CACNA1H: variants seen among roughly 807,000 people sequenced by gnomAD.
The protein encoded by CACNA1H is calcium voltage-gated channel subunit alpha1 H, also known as voltage-dependent T-type calcium channel subunit alpha-1H.
In CACNA1H, 149 loss-of-function variants were observed where a neutral mutation model predicts 192.5. The ratio of observed to expected loss-of-function variants is 0.77; its 90% CI spans 0.68 to 0.89. The LOEUF (loss-of-function observed/expected upper bound fraction) is 0.89, where lower values mean the gene tolerates loss of function less well. CACNA1H is among the 40% of genes least tolerant of loss of function. CACNA1H has a pLI of 0.00. For missense variants in CACNA1H, 4,257 were observed against 3,423.5 expected (o/e 1.24, Z -6.08); for synonymous variants, 2,202 against 1,475.2 (o/e 1.49, Z -11.29).
At position 1,203,079 on chromosome 16, in the gene CACNA1H, C is replaced by A. The variant is rs559968190; in HGVS notation, c.2002+627C>A. ...TAGAGACGCAGGCGGGGGTGTGTCC[C>A]CCGTGGTGGGGAGAGGTGCGAGCGA... On this transcript the variant is annotated intron_variant, in intron 9 of 34. Transcript: ENST00000348261. 3.9e-5 allele frequency among the ~76,000 whole-genome samples: 6 copies of A among 152,208 alleles called. No individual in the cohort carries two copies. The South Asian group carries it at 1.0e-3, about 26-fold the overall frequency.
intron 2 of CACNA1H, among the ~76,000 whole-genome samples, chr16:1,156,100 C>T (rs912035344): frequency 1.4e-4 from 22 of 152,166 alleles, no homozygotes; most frequent in Non-Finnish European, 3.2e-4. Context: ...CCTTCGATGG[C>T]ATCCCTTGCT....
rs528665836 is a variant in CACNA1H at position 1,217,810 on chromosome 16, C to T, written c.5324-109C>T. 396 of 1,383,202 alleles carry T rather than the reference C, an allele frequency of 2.9e-4. 3 individuals carry two copies. Among genetic ancestry groups the T allele is most frequent in the South Asian group, 2.8e-3 (187 of 67,732 alleles). The allele number at this position is 1,383,202 out of a possible 1,614,324, so 85.7% of individuals were successfully genotyped here. ...CCAGGGCCTCGTCATCCACATCCTCCGGGCTATCCTGCCTCTGGGCTCCCC... is the reference window on the plus strand; with the variant it reads ...CCAGGGCCTCGTCATCCACATCCTCTGGGCTATCCTGCCTCTGGGCTCCCC... On this transcript the variant is annotated intron_variant, in intron 31 of 34. Transcript: ENST00000348261.
Position 1,198,625 on chromosome 16 carries a change from C to T in CACNA1H, c.654C>T (p.Ile218=). The change falls in exon 6 of 35, where the codon ATC becomes ATT. Residue 218 remains isoleucine, a synonymous_variant. Transcript: ENST00000348261. The part of the protein sequence containing the change: ...RAINRVPSMR[I]LVTLLLDTLP... Reference sequence around the variant, plus strand: ...CCCTGCTGCCCACAGGCATGCGGATCCTGGTCACTCTGCTGCTGGATACGC... The same window carrying T: ...CCCTGCTGCCCACAGGCATGCGGATTCTGGTCACTCTGCTGCTGGATACGC... 6.2e-7 allele frequency: 1 copy of T among 1,613,084 alleles called. No individual in the cohort carries two copies. Among genetic ancestry groups the T allele is most frequent in the Non-Finnish European group, 8.5e-7 (1 of 1,179,608 alleles).
Position 1,198,608 on chromosome 16 carries a change from C to T in CACNA1H, c.644-7C>T, listed in dbSNP as rs545310896. 6.2e-6 allele frequency: 10 copies of T among 1,612,234 alleles called. No individual in the cohort carries two copies. The Admixed American group carries it at 1.0e-4, about 16-fold the overall frequency. ...AGCAGTGCCAATCCTGGCCCTGCTG[C>T]CCACAGGCATGCGGATCCTGGTCAC... On this transcript the variant is annotated splice_region_variant and splice_polypyrimidine_tract_variant and intron_variant, in intron 5 of 34. Coordinates refer to ENST00000348261, the MANE Select transcript of CACNA1H (RefSeq NM_021098.3).
intron 2 of CACNA1H, among the ~76,000 whole-genome samples, chr16:1,162,564 G>A (rs1253824982): frequency 6.6e-6 from 1 of 152,022 alleles, no homozygotes; most frequent in Non-Finnish European, 1.5e-5. Flanking sequence ...TGGCACGGGG[G>A]CTGGTGCTGC....
intron 2 of CACNA1H, among the ~76,000 whole-genome samples, chr16:1,183,437 C>A (rs1295393433): frequency 6.6e-6 from 1 of 152,204 alleles, no homozygotes; most frequent in Non-Finnish European, 1.5e-5. Flanking sequence ...CGGGCTTCCT[C>A]CTCCCTTGTC....
At chr16:1,154,671 C>T (rs560097746) in intron 2 of CACNA1H, among the ~76,000 whole-genome samples, 1 of 152,152 alleles carries the variant, frequency 6.6e-6, no homozygotes, top group Admixed American at 6.5e-5. Flanking sequence ...GGCAGGGAGG[C>T]AATTGGCACT....
At chr16:1,163,758 C>G (rs1279284970) in intron 2 of CACNA1H, among the ~76,000 whole-genome samples, 3 of 152,194 alleles carry the variant, frequency 2.0e-5, no homozygotes, top group Non-Finnish European at 4.4e-5. Context: ...CTTGCCCAAG[C>G]CCACTGGGCC....
chr16:1,153,604 C>A, intron 1 of CACNA1H, 116 bp from the exon 2 acceptor site: 1 of 572,624 alleles, frequency 1.7e-6, no homozygotes, highest in Non-Finnish European at 2.4e-6. Context: ...GCGTTTGTCT[C>A]TAATAAGAAA....
chr16:1,186,446 C>T (rs138363380), intron 2 of CACNA1H, among the ~76,000 whole-genome samples: 6 of 152,164 alleles, frequency 3.9e-5, no homozygotes, highest in East Asian at 1.9e-4. Flanking sequence ...GATGCCGCGG[C>T]GTGGGGTGAA....
At chr16:1,213,274 A>G (rs1969670991) in intron 26 of CACNA1H, among the ~76,000 whole-genome samples, 1 of 152,168 alleles carries the variant, frequency 6.6e-6, no homozygotes. Context: ...CCAGACCCAG[A>G]GATGGAGTGG....
chr16:1,210,656 C>T lies in CACNA1H; in HGVS notation c.4038+5C>T, dbSNP rs368592629. ...GTGGCGGAGATGATGGTGAAGGTACCGCGGGGCCCGGGGACTGCCCTTGTT... is the reference window on the plus strand; with the variant it reads ...GTGGCGGAGATGATGGTGAAGGTACTGCGGGGCCCGGGGACTGCCCTTGTT... On this transcript the variant is annotated splice_donor_5th_base_variant and intron_variant, in intron 20 of 34. Transcript: ENST00000348261. 3.6e-5 allele frequency: 58 copies of T among 1,601,836 alleles called. No homozygotes were observed. Among genetic ancestry groups the T allele is most frequent in the Middle Eastern group, 1.7e-4 (1 of 6,058 alleles).
chr16:1,212,678 G>T (rs1041756529), intron 26 of CACNA1H, 150 bp downstream of exon 26: 13 of 911,882 alleles, frequency 1.4e-5, no homozygotes, highest in Non-Finnish European at 2.0e-5. Flanking sequence ...GGCTGCGCTC[G>T]CCCGCCAGTG....
At chr16:1,186,411 G>A (rs1050479814) in intron 2 of CACNA1H, among the ~76,000 whole-genome samples, 1 of 152,078 alleles carries the variant, frequency 6.6e-6, no homozygotes, top group Non-Finnish European at 1.5e-5. Flanking sequence ...CGCAGGGCCT[G>A]GATTCGCCGT....
At chr16:1,174,641 G>A (rs1254244294) in intron 2 of CACNA1H, among the ~76,000 whole-genome samples, 2 of 152,204 alleles carry the variant, frequency 1.3e-5, no homozygotes, top group Admixed American at 6.5e-5. Context: ...CAGCAGAACA[G>A]CGTGTGTCCA....
At chr16:1,212,284 TGGAG>T (rs879678541) in intron 25 of CACNA1H, 146 bp downstream of exon 25, 11 of 1,293,508 alleles carry the variant, frequency 8.5e-6, no homozygotes, top group African/African-American at 1.5e-5. Context: ...GGCTGGGCCT[TGGAG>T]GGGCTGGCCC....
chr16:1,200,147 CTGAT>C, intron 6 of CACNA1H, 105 bp from the exon 7 acceptor site: 1 of 904,118 alleles, frequency 1.1e-6, no homozygotes, highest in African/African-American at 1.7e-5. Flanking sequence ...GGCCCTGACC[CTGAT>C]CACGTCCCTG....
chr16:1,209,396 A>G lies in CACNA1H; in HGVS notation c.3728A>G (p.Asp1243Gly). Residue 1243 changes from aspartate (D) to glycine (G), a missense_variant, in exon 17 of 35, where the codon GAC becomes GGC. By Grantham distance (94) the Asp-to-Gly change is moderately conservative (BLOSUM62 -1). Coordinates refer to ENST00000348261, the MANE Select transcript of CACNA1H (RefSeq NM_021098.3). ...CACCGTGAGGATGCAGCCGAGCTTG[A>G]CGACGACTCGGAGGACGTGAGTGCG... ...DSHREDAAEL[D>G]DDSEDSCCLR... 6.3e-7 allele frequency: 1 copy of G among 1,597,622 alleles called. No individual in the cohort carries two copies.
Position 1,209,035 on chromosome 16 carries a change from A to T in CACNA1H, c.3367A>T (p.Ser1123Cys). 6.6e-7 allele frequency: 1 copy of T among 1,507,014 alleles called. No homozygotes were observed. The highest frequency in any genetic ancestry group is 8.8e-7 in the Non-Finnish European group (1 of 1,135,270). 93.4% of individuals were successfully genotyped at this position (1,507,014 alleles called of 1,614,324 possible). The change falls in exon 17 of 35, where the codon AGC becomes TGC. Residue 1123 changes from serine to cysteine, a missense_variant. Ser to Cys is a moderately radical substitution (Grantham distance 112, BLOSUM62 -1). Transcript: ENST00000348261. ...PPLGDQKPPA[S>C]LRSSPCAPWG... ...ACTGACTCCCGCCACCCCCCAGGCC[A>T]GCCTCCGAAGTTCTCCCTGTGCCCC...
Sources: gnomAD v4.1 joint callset for allele counts (sites outside exome capture counted in the v4.1 genomes callset) on GRCh38, gnomAD v4.1.1 for gene constraint, MANE v1.5 for transcripts, NCBI Gene and HGNC (gene_info 2026-07-23, HGNC 2026-07-21) for gene names.